Variants in L2HGDH observed in about 807,000 individuals in gnomAD.
The protein encoded by L2HGDH is L-2-hydroxyglutarate dehydrogenase, mitochondrial.
Under a neutral mutation model 51.5 loss-of-function variants are expected in L2HGDH, and 34 were observed. The ratio of observed to expected loss-of-function variants is 0.66; its 90% CI spans 0.50 to 0.88. The LOEUF (loss-of-function observed/expected upper bound fraction) is 0.88. Ranked by LOEUF, L2HGDH falls within the 40% of genes least tolerant of loss-of-function variation. L2HGDH has a pLI of 0.00. For missense variants in L2HGDH, 558 were observed against 571.9 expected (o/e 0.98, Z 0.25); for synonymous variants, 198 against 197.9 (o/e 1.00, Z -0.01).
chr14:50,307,744 A>G (rs1280067857), intron 1 of L2HGDH, among the ~76,000 whole-genome samples: 1 of 152,160 alleles, frequency 6.6e-6, no homozygotes, highest in African/African-American at 2.4e-5. Context: ...CTTAAACACC[A>G]CATTATTTCA....
chr14:50,303,670 G>C (rs183910639), intron 1 of L2HGDH, among the ~76,000 whole-genome samples: 1 of 151,364 alleles, frequency 6.6e-6, no homozygotes, highest in East Asian at 1.9e-4. Flanking sequence ...CCAACTACTC[G>C]GGAGGCTAAG....
intron 1 of L2HGDH, chr14:50,311,519 A>C: frequency 2.2e-6 from 1 of 455,570 alleles, no homozygotes. Flanking sequence ...GGCTTTCATT[A>C]GCATAAGAGC....
chr14:50,296,138 G>T (rs1053738476), intron 3 of L2HGDH, among the ~76,000 whole-genome samples: 1 of 151,982 alleles, frequency 6.6e-6, no homozygotes, highest in Non-Finnish European at 1.5e-5. Flanking sequence ...CTGGGAAGCT[G>T]AGGCTGGTGG....
intron 6 of L2HGDH, among the ~76,000 whole-genome samples, chr14:50,269,972 T>C (rs1889574852): frequency 6.6e-6 from 1 of 152,216 alleles, no homozygotes; most frequent in African/African-American, 2.4e-5. Flanking sequence ...GCAAACTCTG[T>C]ATTGCAACCA....
chr14:50,295,590 T>TA (rs1282159930), intron 3 of L2HGDH, among the ~76,000 whole-genome samples: 1 of 144,414 alleles, frequency 6.9e-6, no homozygotes, highest in African/African-American at 2.6e-5. Context: ...TTTTTTTTTT[T>TA]TTTTTTTTTT....
At chr14:50,309,702 T>TTTA (rs566706387) in intron 1 of L2HGDH, among the ~76,000 whole-genome samples, 2 of 150,754 alleles carry the variant, frequency 1.3e-5, no homozygotes, top group Non-Finnish European at 1.5e-5. Context: ...TTTTTTTTTT[T>TTTA]AAGAGAGTCT....
At chr14:50,253,744 C>A (rs927550742) in intron 9 of L2HGDH, among the ~76,000 whole-genome samples, 1 of 152,070 alleles carries the variant, frequency 6.6e-6, no homozygotes, top group African/African-American at 2.4e-5. Context: ...ATGTTTACTG[C>A]AGCAGTATTC....
Position 50,245,575 on chromosome 14 carries a change from T to C in L2HGDH, c.*1483A>G, listed in dbSNP as rs960300324. 6 of 970,224 alleles carry C rather than the reference T, an allele frequency of 6.2e-6. No homozygotes were observed. In the African/African-American group the frequency reaches 1.1e-4, roughly 17 times the overall value. 60.1% of individuals were successfully genotyped at this position (970,224 alleles called of 1,614,324 possible). On this transcript the variant is annotated 3_prime_UTR_variant, in exon 10 of 10. Coordinates refer to ENST00000267436, the MANE Select transcript of L2HGDH (RefSeq NM_024884.3). ...AATTTTATGTATTTTCTTGAAATCA[T>C]GAATTTTTAATTTCCAAATACAAAT...
At chr14:50,287,855 G>A (rs1255352615) in intron 4 of L2HGDH, among the ~76,000 whole-genome samples, 1 of 151,576 alleles carries the variant, frequency 6.6e-6, no homozygotes, top group Non-Finnish European at 1.5e-5. Context: ...CCAAAAACAC[G>A]CCTGGCTATT....
chr14:50,310,556 C>T (rs1402679777), intron 1 of L2HGDH, among the ~76,000 whole-genome samples: 1 of 151,858 alleles, frequency 6.6e-6, no homozygotes, highest in Non-Finnish European at 1.5e-5. Context: ...TAATTAGCTG[C>T]CTGTGGTCCC....
chr14:50,291,137 G>A (rs1890856529), intron 4 of L2HGDH, among the ~76,000 whole-genome samples: 1 of 135,008 alleles, frequency 7.4e-6, no homozygotes, highest in Admixed American at 8.1e-5. Context: ...GACGGAGGTT[G>A]CAGTGAGCCG....
chr14:50,252,922 C>G (rs1454854549), intron 9 of L2HGDH, among the ~76,000 whole-genome samples: 2 of 152,066 alleles, frequency 1.3e-5, no homozygotes, highest in Non-Finnish European at 2.9e-5. Flanking sequence ...ATCTGCACTA[C>G]AGAACAAATA....
At chr14:50,298,820 A>G (rs574271985) in intron 3 of L2HGDH, among the ~76,000 whole-genome samples, 1 of 152,316 alleles carries the variant, frequency 6.6e-6, no homozygotes, top group South Asian at 2.1e-4. Context: ...ACCAAAACCT[A>G]TGGGAAACAG....
intron 2 of L2HGDH, among the ~76,000 whole-genome samples, chr14:50,302,539 T>C (rs2030472662): frequency 6.6e-6 from 1 of 152,124 alleles, no homozygotes; most frequent in African/African-American, 2.4e-5. Context: ...AGCCGATGGA[T>C]AAAGTGAGCA....
intron 4 of L2HGDH, among the ~76,000 whole-genome samples, 190 bp downstream of exon 4, chr14:50,293,925 T>C (rs2029887309): frequency 6.6e-6 from 1 of 152,198 alleles, no homozygotes; most frequent in Non-Finnish European, 1.5e-5. Context: ...GACCTGGTAT[T>C]TTCTCACAGA....
chr14:50,258,142 G>T (rs1888787209), intron 9 of L2HGDH, among the ~76,000 whole-genome samples: 1 of 150,736 alleles, frequency 6.6e-6, no homozygotes, highest in Non-Finnish European at 1.5e-5. Flanking sequence ...GTATTATCCA[G>T]TTGCAACAAT....
At chr14:50,254,372 C>T (rs898254683) in intron 9 of L2HGDH, among the ~76,000 whole-genome samples, 8 of 152,012 alleles carry the variant, frequency 5.3e-5, no homozygotes, top group Admixed American at 1.3e-4. Flanking sequence ...AGATATACCA[C>T]ATAGAACACA....
rs564449747 is a variant in L2HGDH, at chr14:50,242,995, A to G, written c.*4063T>C. The G allele has an allele frequency of 2.4e-5, 24 of 985,488 alleles. No homozygotes were observed. In the Admixed American group the frequency reaches 1.2e-3, roughly 48 times the overall value. The allele number at this position is 985,488 out of a possible 1,614,324, so 61.0% of individuals were successfully genotyped here. A position where few individuals can be genotyped will look rare whatever the true frequency, so the allele number is the denominator to read the frequency against. On this transcript the variant is annotated 3_prime_UTR_variant, in exon 10 of 10. Transcript: ENST00000267436. ...TAGGCCCTACAAACTCCCGTAGGCCAGGGCCTGGCAGTATACCCCATTCTC... is the reference window on the plus strand; with the variant it reads ...TAGGCCCTACAAACTCCCGTAGGCCGGGGCCTGGCAGTATACCCCATTCTC...
chr14:50,270,490 GTT>G (rs1401696394), intron 6 of L2HGDH, among the ~76,000 whole-genome samples: 9 of 115,938 alleles, frequency 7.8e-5, no homozygotes, highest in East Asian at 5.9e-4. Flanking sequence ...AGGCCTTACT[GTT>G]TTGTTGTTGT....
Sources: allele counts gnomAD v4.1 joint callset (sites outside exome capture counted in the v4.1 genomes callset), GRCh38; gene constraint gnomAD v4.1.1; transcripts MANE v1.5; gene names NCBI Gene and HGNC (gene_info 2026-07-23, HGNC 2026-07-21).